TTLL2: variants seen among roughly 807,000 people sequenced by gnomAD.
The protein encoded by TTLL2 is tubulin tyrosine ligase like 2.
TTLL2 carries 10 observed loss-of-function variants against 7.5 expected under a neutral mutation model. The observed-to-expected ratio is 1.33, with a 90% CI of 0.82 to 2.25. TTLL2 has a LOEUF of 2.25. Among genes scored for constraint, TTLL2 ranks in the 30% most tolerant of loss-of-function variants. The pLI is 0.00. For missense variants in TTLL2, 733 were observed against 735.7 expected (o/e 1.00, Z 0.04); for synonymous variants, 284 against 280.3 (o/e 1.01, Z -0.13).
intron 1 of TTLL2, among the ~76,000 whole-genome samples, chr6:167,335,716 C>G (rs1187740745): frequency 6.6e-6 from 1 of 150,860 alleles, no homozygotes; most frequent in East Asian, 2.0e-4. Flanking sequence ...TAAACTATCG[C>G]AAGAACAAAA....
intron 1 of TTLL2, among the ~76,000 whole-genome samples, chr6:167,331,119 A>G (rs1778915532): frequency 6.6e-6 from 1 of 152,116 alleles, no homozygotes; most frequent in Non-Finnish European, 1.5e-5. Flanking sequence ...TCATTATTTT[A>G]TTTTATTAAC....
intron 1 of TTLL2, among the ~76,000 whole-genome samples, chr6:167,335,443 C>A (rs1319416322): frequency 6.8e-6 from 1 of 147,624 alleles, no homozygotes; most frequent in Non-Finnish European, 1.5e-5. Flanking sequence ...ACTAGAAATA[C>A]CATTTGACCC....
At chr6:167,329,746 C>T (rs1450763925) in intron 1 of TTLL2, among the ~76,000 whole-genome samples, 2 of 152,150 alleles carry the variant, frequency 1.3e-5, no homozygotes, top group African/African-American at 4.8e-5. Flanking sequence ...CCAGCCTCTG[C>T]AATCAAGTGC....
At chr6:167,331,336 T>C (rs1778918055) in intron 1 of TTLL2, among the ~76,000 whole-genome samples, 1 of 152,140 alleles carries the variant, frequency 6.6e-6, no homozygotes, top group African/African-American at 2.4e-5. Flanking sequence ...TGCAGTGGCA[T>C]AGAACACTAG....
chr6:167,325,727 G>A (rs1442823644), intron 1 of TTLL2, among the ~76,000 whole-genome samples: 1 of 152,126 alleles, frequency 6.6e-6, no homozygotes, highest in African/African-American at 2.4e-5. Flanking sequence ...GGATAAGTGT[G>A]AAGTGGTATG....
In TTLL2 at chr6:167,341,148, C is replaced by G; in HGVS notation, c.1248C>G (p.Tyr416Ter). The G allele has an allele frequency of 6.2e-7, 1 of 1,613,834 alleles. No homozygotes were observed. The highest frequency in any genetic ancestry group is 1.6e-4 in the Middle Eastern group (1 of 6,062). ...TCCATGATATTATTGACCTGATTTA[C>G]TTAAATGGTCTAAGAAATGAGGGGA... ...KLVHDIIDLI[Y>*]LNGLRNEGRE... The change falls in exon 3 of 3, where the codon TAC becomes TAG. Residue 416 changes from tyrosine to a stop codon, truncating the protein, a stop_gained. Transcript: ENST00000239587. LOFTEE classifies it low-confidence loss of function (END_TRUNC).
At chr6:167,338,587 T>C in intron 1 of TTLL2, 60 bp from the exon 2 acceptor site, 10 of 1,548,048 alleles carry the variant, frequency 6.5e-6, no homozygotes, top group Non-Finnish European at 7.9e-6. Context: ...TGTTCCTTAT[T>C]AAAGCAACAG....
chr6:167,339,603 A>T (rs1779042093), intron 2 of TTLL2, among the ~76,000 whole-genome samples: 1 of 152,170 alleles, frequency 6.6e-6, no homozygotes, highest in Non-Finnish European at 1.5e-5. Flanking sequence ...GTGCATGGGG[A>T]ACCATGGTAG....
At chr6:167,331,722 A>G (rs1202542493) in intron 1 of TTLL2, among the ~76,000 whole-genome samples, 2 of 152,180 alleles carry the variant, frequency 1.3e-5, no homozygotes, top group Non-Finnish European at 2.9e-5. Flanking sequence ...ATGCACCTGT[A>G]ACAATCGCTG....
chr6:167,330,475 C>T (rs1165590087), intron 1 of TTLL2, among the ~76,000 whole-genome samples: 3 of 151,994 alleles, frequency 2.0e-5, no homozygotes, highest in Admixed American at 6.6e-5. Flanking sequence ...GCAGGAGAAT[C>T]GCTTGAACCA....
chr6:167,326,933 A>G lies in TTLL2; in HGVS notation c.47+1713A>G, dbSNP rs975844216. ...CCAAGGTTAAGGATGTACCCAGGAA[A>G]AAGAACACAGAACCACAGGAAAAGG... On this transcript the variant is annotated intron_variant, in intron 1 of 2. Coordinates refer to ENST00000239587, the MANE Select transcript of TTLL2 (RefSeq NM_031949.5). Among the ~76,000 whole-genome samples, 4 of 152,198 alleles carry G rather than the reference A, an allele frequency of 2.6e-5. No homozygotes were observed. In the East Asian group the frequency reaches 7.7e-4, roughly 29 times the overall value.
chr6:167,328,716 G>A (rs1778878532), intron 1 of TTLL2, among the ~76,000 whole-genome samples: 1 of 152,168 alleles, frequency 6.6e-6, no homozygotes, highest in Admixed American at 6.5e-5. Flanking sequence ...AATGGAGTCT[G>A]ACATACACAA....
chr6:167,341,350 C>A lies in TTLL2; in HGVS notation c.1450C>A (p.Pro484Thr), dbSNP rs142723528. Reference sequence around the variant, plus strand: ...TGTGAGTGTGCGTCCTGAAGCTGCACCTGCCTCCCAGCTGGAAGGAGAGAT... The same window carrying A: ...TGTGAGTGTGCGTCCTGAAGCTGCAACTGCCTCCCAGCTGGAAGGAGAGAT... ...KAVSVRPEAA[P>T]ASQLEGEMSG... Residue 484 changes from proline to threonine, a missense_variant, in exon 3 of 3, where the codon CCT becomes ACT. Physicochemically the swap from Pro to Thr is conservative, Grantham distance 38. Transcript: ENST00000239587. The A allele has an allele frequency of 6.2e-7, 1 of 1,613,848 alleles. No individual in the cohort carries two copies. The highest frequency in any genetic ancestry group is 1.3e-5 in the African/African-American group (1 of 74,904).
Position 167,341,178 on chromosome 6 carries a change from AGCCAGTAAT to A in TTLL2, c.1283_1291del (p.Ser428_Ala430del). 5.0e-6 allele frequency: 8 copies of A among 1,613,862 alleles called. No homozygotes were observed. The highest frequency in any genetic ancestry group is 5.9e-6 in the Non-Finnish European group (7 of 1,180,000). ...ATGGTCTAAGAAATGAGGGGAGAGA[AGCCAGTAAT>A]GCCACACATGGAAATTCCAACATCG... On this transcript the variant is annotated inframe_deletion, in exon 3 of 3. Transcript: ENST00000239587.
At chr6:167,335,714 C>T (rs201351987) in intron 1 of TTLL2, among the ~76,000 whole-genome samples, 2,303 of 151,214 alleles carry the variant, frequency 0.015, 77 homozygotes, top group Admixed American at 0.087. Flanking sequence ...AGTAAACTAT[C>T]GCAAGAACAA....
Position 167,341,230 on chromosome 6 carries a change from A to G in TTLL2, c.1330A>G (p.Arg444Gly), listed in dbSNP as rs1270131939. 1 of 1,613,750 alleles carries G rather than the reference A, an allele frequency of 6.2e-7. No homozygotes were observed. Among genetic ancestry groups the G allele is most frequent in the East Asian group, 2.2e-5 (1 of 44,838 alleles). ...NSNIDAAKSD[R>G]GGLDAPDCLP... is the part of the protein sequence containing the mutation. Reference sequence around the variant, plus strand: ...CAACATCGACGCTGCAAAAAGTGACAGAGGTGGGCTTGATGCTCCTGACTG... The same window carrying G: ...CAACATCGACGCTGCAAAAAGTGACGGAGGTGGGCTTGATGCTCCTGACTG... The change falls in exon 3 of 3, where the codon AGA (arginine) becomes GGA (glycine). Residue 444 changes from arginine to glycine, a missense_variant. Physicochemically the swap from Arg to Gly is moderately radical, Grantham distance 125 (BLOSUM62 -2). Transcript: ENST00000239587.
At chr6:167,338,040 C>A (rs1171107883) in intron 1 of TTLL2, among the ~76,000 whole-genome samples, 1 of 151,568 alleles carries the variant, frequency 6.6e-6, no homozygotes, top group Admixed American at 6.6e-5. Context: ...ACATGCAATA[C>A]AACACACACT....
At chr6:167,337,322 A>T (rs1359228525) in intron 1 of TTLL2, among the ~76,000 whole-genome samples, 1 of 152,150 alleles carries the variant, frequency 6.6e-6, no homozygotes, top group Non-Finnish European at 1.5e-5. Flanking sequence ...GGAAGGGGCA[A>T]AGCCTCATGG....
At position 167,340,245 on chromosome 6, in the gene TTLL2, G is replaced by A. The variant is rs564839545; in HGVS notation, c.345G>A (p.Glu115=). ...ERGWNKFDKQ[E]QNAEDWNLYW... is the part of the protein sequence containing the mutation. ...GGTGGAATAAGTTTGATAAGCAGGA[G>A]CAGAACGCGGAGGACTGGAACCTGT... Residue 115 remains glutamate, a synonymous_variant, in exon 3 of 3, where the codon GAG becomes GAA. Transcript: ENST00000239587. 6.2e-7 allele frequency: 1 copy of A among 1,614,138 alleles called. No homozygotes were observed. Among genetic ancestry groups the A allele is most frequent in the African/African-American group, 1.3e-5 (1 of 74,998 alleles).
Sources: gnomAD v4.1 joint callset for allele counts (sites outside exome capture counted in the v4.1 genomes callset) on GRCh38, gnomAD v4.1.1 for gene constraint, MANE v1.5 for transcripts, NCBI Gene and HGNC (gene_info 2026-07-23, HGNC 2026-07-21) for gene names.